GRID2: variants seen among roughly 807,000 people sequenced by gnomAD.
The protein encoded by GRID2 is glutamate ionotropic receptor delta type subunit 2, also known as glutamate receptor ionotropic, delta-2.
In GRID2, 33 loss-of-function variants were observed where a neutral mutation model predicts 114.8. The ratio of observed to expected loss-of-function variants is 0.29; its 90% CI spans 0.22 to 0.38. The LOEUF is 0.38. GRID2 is among the 10% of genes least tolerant of loss of function. The pLI, the probability that GRID2 is intolerant of heterozygous loss-of-function variation, is 1.00. For missense variants in GRID2, 1,184 were observed against 1,257.7 expected (o/e 0.94, Z 0.89); for synonymous variants, 505 against 449.9 (o/e 1.12, Z -1.55).
chr4:93,406,183 G>A (rs1345540489), intron 9 of GRID2, among the ~76,000 whole-genome samples: 1 of 152,030 alleles, frequency 6.6e-6, no homozygotes, highest in African/African-American at 2.4e-5. Flanking sequence ...TGCCACAAAA[G>A]GCTATAAAAC....
chr4:92,704,730 T>C (rs1734868085), intron 2 of GRID2, among the ~76,000 whole-genome samples: 1 of 150,090 alleles, frequency 6.7e-6, no homozygotes, highest in Non-Finnish European at 1.5e-5. Flanking sequence ...TCTTTCTCTC[T>C]CTCTCTCTCT....
chr4:93,654,452 A>G (rs1722835674), intron 14 of GRID2, among the ~76,000 whole-genome samples: 1 of 152,120 alleles, frequency 6.6e-6, no homozygotes, highest in Admixed American at 6.5e-5. Flanking sequence ...TGCTTCACAC[A>G]TTATGTTGTC....
Position 92,304,617 on chromosome 4 carries a change from G to T in GRID2, c.-40G>T, listed in dbSNP as rs373272993. The T allele has an allele frequency of 8.7e-5, 124 of 1,419,684 alleles. No individual in the cohort carries two copies. Among genetic ancestry groups the T allele is most frequent in the Middle Eastern group, 5.2e-4 (3 of 5,716 alleles). The allele number at this position is 1,419,684 out of a possible 1,614,324, so 87.9% of individuals were successfully genotyped here. On this transcript the variant is annotated 5_prime_UTR_variant, in exon 1 of 16. Transcript: ENST00000282020. ...GGACTGTTTGAAAAAAAAAAAATTGGAAGAAAATCCATCCTCCAAGAGAAT... is the reference window on the plus strand; with the variant it reads ...GGACTGTTTGAAAAAAAAAAAATTGTAAGAAAATCCATCCTCCAAGAGAAT...
intron 1 of GRID2, among the ~76,000 whole-genome samples, chr4:92,564,201 G>T (rs1480484751): frequency 2.6e-5 from 4 of 151,754 alleles, no homozygotes; most frequent in African/African-American, 4.8e-5. Flanking sequence ...TCATCCATAT[G>T]GGGAAAAATA....
intron 2 of GRID2, among the ~76,000 whole-genome samples, chr4:92,689,837 A>G (rs1174332650): frequency 6.6e-6 from 1 of 152,140 alleles, no homozygotes; most frequent in Non-Finnish European, 1.5e-5. Context: ...AACTTCATGA[A>G]CCAACCTCTG....
At chr4:93,464,131 C>T (rs1262509926) in intron 11 of GRID2, among the ~76,000 whole-genome samples, 3 of 152,174 alleles carry the variant, frequency 2.0e-5, no homozygotes, top group African/African-American at 4.8e-5. Context: ...ACATCCTCAA[C>T]ATAAACTTAT....
intron 12 of GRID2, among the ~76,000 whole-genome samples, chr4:93,510,811 C>T (rs1195883233): frequency 6.6e-6 from 1 of 152,084 alleles, no homozygotes; most frequent in Non-Finnish European, 1.5e-5. Flanking sequence ...CAGTAGAAAC[C>T]TGATCAAATA....
intron 11 of GRID2, among the ~76,000 whole-genome samples, chr4:93,482,598 C>T (rs1030819464): frequency 6.6e-6 from 1 of 151,742 alleles, no homozygotes; most frequent in Non-Finnish European, 1.5e-5. Flanking sequence ...GGGCTTAAAA[C>T]CTAAATGACG....
chr4:92,777,963 C>T (rs939149332), intron 2 of GRID2, among the ~76,000 whole-genome samples: 1 of 152,192 alleles, frequency 6.6e-6, no homozygotes, highest in South Asian at 2.1e-4. Context: ...CTACGTTTAA[C>T]CCCCATGCAA....
chr4:92,499,555 T>G (rs975018586), intron 1 of GRID2, among the ~76,000 whole-genome samples: 3 of 152,214 alleles, frequency 2.0e-5, no homozygotes, highest in Admixed American at 6.6e-5. Context: ...AAGCTCATAT[T>G]GAGCATTTTA....
At chr4:92,832,902 T>G (rs1241744567) in intron 2 of GRID2, among the ~76,000 whole-genome samples, 1 of 152,218 alleles carries the variant, frequency 6.6e-6, no homozygotes, top group Non-Finnish European at 1.5e-5. Context: ...ATTACAGTAT[T>G]CATAGTGTTC....
intron 4 of GRID2, among the ~76,000 whole-genome samples, chr4:93,156,537 T>C (rs1157236497): frequency 6.6e-6 from 1 of 151,652 alleles, no homozygotes; most frequent in Non-Finnish European, 1.5e-5. Flanking sequence ...TGACAGATCA[T>C]GGTGTTTGGA....
intron 8 of GRID2, among the ~76,000 whole-genome samples, chr4:93,248,520 C>T (rs890190082): frequency 4.6e-5 from 7 of 152,046 alleles, no homozygotes; most frequent in African/African-American, 1.7e-4. Flanking sequence ...TTTCATTACA[C>T]CTCAAATTTT....
At chr4:93,322,824 T>C (rs1324580604) in intron 8 of GRID2, among the ~76,000 whole-genome samples, 1 of 152,156 alleles carries the variant, frequency 6.6e-6, no homozygotes, top group Non-Finnish European at 1.5e-5. Flanking sequence ...TCATGTGTTT[T>C]TTGGCTGCAT....
chr4:93,331,136 C>A (rs1461832377), intron 8 of GRID2, among the ~76,000 whole-genome samples: 1 of 147,066 alleles, frequency 6.8e-6, no homozygotes, highest in East Asian at 2.0e-4. Flanking sequence ...ACCCCCCCCC[C>A]ATTTCACTCA....
At chr4:93,264,873 C>T (rs1374607652) in intron 8 of GRID2, among the ~76,000 whole-genome samples, 1 of 151,348 alleles carries the variant, frequency 6.6e-6, no homozygotes, top group African/African-American at 2.4e-5. Flanking sequence ...ACCTCTGCCT[C>T]CCAGATTCAA....
chr4:93,095,878 A>G (rs1731180741), intron 3 of GRID2, among the ~76,000 whole-genome samples: 1 of 152,072 alleles, frequency 6.6e-6, no homozygotes, highest in Non-Finnish European at 1.5e-5. Context: ...TTGTTTTTAG[A>G]GCCTTTTGAA....
At chr4:93,095,360 AT>A (rs887103748) in intron 3 of GRID2, among the ~76,000 whole-genome samples, 3 of 152,002 alleles carry the variant, frequency 2.0e-5, no homozygotes, top group Non-Finnish European at 2.9e-5. Context: ...CAGCAAGACC[AT>A]TTTTAAAAAA....
intron 8 of GRID2, among the ~76,000 whole-genome samples, chr4:93,249,447 C>G (rs1748587663): frequency 6.6e-6 from 1 of 152,066 alleles, no homozygotes; most frequent in Admixed American, 6.6e-5. Context: ...AGCAATGAAT[C>G]TATAAATTAT....
Sources: allele counts gnomAD v4.1 joint callset (sites outside exome capture counted in the v4.1 genomes callset), GRCh38; gene constraint gnomAD v4.1.1; transcripts MANE v1.5; gene names NCBI Gene and HGNC (gene_info 2026-07-23, HGNC 2026-07-21).